Variants in CDH9 observed in about 807,000 individuals in gnomAD.
CDH9 encodes cadherin 9, also known as cadherin-9.
A neutral mutation model predicts 70.9 loss-of-function variants in CDH9; 28 were observed. The observed-to-expected ratio is 0.40, with a 90% confidence interval of 0.29 to 0.54. The LOEUF (loss-of-function observed/expected upper bound fraction) is 0.54. Among genes scored for constraint, CDH9 ranks in the 20% least tolerant of loss-of-function variants. The pLI, the probability that CDH9 is intolerant of heterozygous loss-of-function variation, is 0.59. For missense variants in CDH9, 874 were observed against 984.4 expected (o/e 0.89, Z 1.50); for synonymous variants, 409 against 343.1 (o/e 1.19, Z -2.12).
At chr5:26,919,404 C>A (rs970498562) in intron 2 of CDH9, among the ~76,000 whole-genome samples, 1 of 152,124 alleles carries the variant, frequency 6.6e-6, no homozygotes, top group African/African-American at 2.4e-5. Flanking sequence ...ATTGCCCATC[C>A]CAGTGGTCAG....
intron 2 of CDH9, among the ~76,000 whole-genome samples, chr5:26,924,248 A>G (rs2112015762): frequency 6.6e-6 from 1 of 152,144 alleles, no homozygotes; most frequent in Non-Finnish European, 1.5e-5. Flanking sequence ...TCAAAGGATC[A>G]TTACAGGTTC....
chr5:27,013,295 G>A (rs1260301690), intron 1 of CDH9, among the ~76,000 whole-genome samples: 1 of 151,866 alleles, frequency 6.6e-6, no homozygotes, highest in Non-Finnish European at 1.5e-5. Flanking sequence ...ATTTGTAAAA[G>A]TTTTCTCCTT....
At chr5:26,911,878 A>G (rs957564750) in intron 3 of CDH9, among the ~76,000 whole-genome samples, 7 of 152,138 alleles carry the variant, frequency 4.6e-5, no homozygotes, top group South Asian at 4.1e-4. Context: ...TAAAAATCCA[A>G]TGTGAAATAT....
chr5:26,962,538 T>C (rs1742055149), intron 2 of CDH9, among the ~76,000 whole-genome samples: 2 of 152,168 alleles, frequency 1.3e-5, no homozygotes, highest in Non-Finnish European at 1.5e-5. Flanking sequence ...TGGTATCTCA[T>C]TGTGGTTTTG....
Position 26,988,399 on chromosome 5 carries a change from A to C in CDH9, c.-49-17T>G, listed in dbSNP as rs1046286170. The stretch of plus-strand genomic sequence containing the variant: ...TTGTTTTTCCTAAAGAGTAAGGAGA[A>C]AAAAAATGGCTGTATTAGCTTGAGT... On this transcript the variant is annotated splice_polypyrimidine_tract_variant and intron_variant, in intron 1 of 11. Transcript: ENST00000231021. The C allele has an allele frequency of 7.7e-6, 12 of 1,563,706 alleles. No homozygotes were observed. In the African/African-American group the frequency reaches 1.2e-4, roughly 16 times the overall value.
intron 2 of CDH9, among the ~76,000 whole-genome samples, chr5:26,969,887 C>T (rs548528496): frequency 1.0e-4 from 15 of 149,830 alleles, no homozygotes; most frequent in African/African-American, 3.2e-4. Context: ...ATGTGTGTAA[C>T]GTGTGTGTAT....
rs536070766 is a variant in CDH9, at chr5:26,953,965, G to A, written c.228+34141C>T. On this transcript the variant is annotated intron_variant, in intron 2 of 11. Transcript: ENST00000231021. ...AACATAAAACACACACACACACATAGATCAAAAAAATAAATAAGTGAATAA... is the reference window on the plus strand; with the variant it reads ...AACATAAAACACACACACACACATAAATCAAAAAAATAAATAAGTGAATAA... 3.3e-4 allele frequency among the ~76,000 whole-genome samples: 50 copies of A among 150,688 alleles called. No individual in the cohort carries two copies. In the South Asian group the frequency reaches 6.5e-3, roughly 20 times the overall value.
intron 1 of CDH9, among the ~76,000 whole-genome samples, chr5:26,999,323 G>A (rs1178965512): frequency 6.6e-6 from 1 of 152,078 alleles, no homozygotes; most frequent in Non-Finnish European, 1.5e-5. Context: ...TACAAATCAT[G>A]CCATATGCAA....
chr5:26,906,758 A>G lies in CDH9; in HGVS notation c.604T>C (p.Leu202=), dbSNP rs768862742. 1.8e-5 allele frequency: 29 copies of G among 1,613,168 alleles called. No individual in the cohort carries two copies. The highest frequency in any genetic ancestry group is 1.7e-5 in the Admixed American group (1 of 59,968). ...GNSAKVVYSI[L]QGQPYFSVDP... Reference sequence around the variant, plus strand: ...ACTGAAAAATATGGCTGTCCTTGCAATATGCTATAGACCACTTTGGCACTA... The same window carrying G: ...ACTGAAAAATATGGCTGTCCTTGCAGTATGCTATAGACCACTTTGGCACTA... Residue 202 remains leucine, a synonymous_variant, in exon 4 of 12, where the codon TTG becomes CTG. Coordinates refer to ENST00000231021, the MANE Select transcript of CDH9 (RefSeq NM_016279.4).
chr5:27,008,593 A>G (rs1742907019), intron 1 of CDH9, among the ~76,000 whole-genome samples: 2 of 152,330 alleles, frequency 1.3e-5, no homozygotes, highest in South Asian at 4.1e-4. Flanking sequence ...ATTAGGTCAC[A>G]ATATAATCAT....
chr5:26,915,590 A>C, intron 3 of CDH9, 40 bp downstream of exon 3: 1 of 1,185,388 alleles, frequency 8.4e-7, no homozygotes, highest in South Asian at 1.3e-5. Context: ...GAGCAAACAA[A>C]CAAATAAAAA....
chr5:26,907,552 C>T (rs1302096523), intron 3 of CDH9, among the ~76,000 whole-genome samples: 2 of 151,966 alleles, frequency 1.3e-5, no homozygotes, highest in Non-Finnish European at 2.9e-5. Flanking sequence ...TGCAATTTAA[C>T]CTTACTATCT....
rs750844913 is a variant in CDH9, at chr5:26,903,654, T to C, written c.982A>G (p.Ile328Val). ...VITDKDTQEG[I>V]ITVKQNLDFE... is the part of the protein sequence containing the mutation. ...AAAGAAACCTGTTTGACAGTTATAA[T>C]CCCTTCCTGTGTATCCTTGTCAGTG... The change falls in exon 6 of 12, where the codon ATT becomes GTT. Residue 328 changes from isoleucine (I) to valine (V), a missense_variant. Transcript: ENST00000231021. The C allele has an allele frequency of 5.6e-6, 9 of 1,605,068 alleles. No individual in the cohort carries two copies. Among genetic ancestry groups the C allele is most frequent in the Non-Finnish European group, 6.8e-6 (8 of 1,171,906 alleles).
chr5:26,943,091 T>C (rs1741690174), intron 2 of CDH9, among the ~76,000 whole-genome samples: 1 of 152,120 alleles, frequency 6.6e-6, no homozygotes. Flanking sequence ...TAGCATAAAA[T>C]TTTGCCCAGA....
intron 2 of CDH9, among the ~76,000 whole-genome samples, chr5:26,968,660 A>G (rs1035081040): frequency 6.6e-6 from 1 of 152,204 alleles, no homozygotes; most frequent in Non-Finnish European, 1.5e-5. Context: ...GAAAATCCCC[A>G]GAAGTATGAG....
At chr5:26,989,258 A>G (rs3811920) in intron 1 of CDH9, among the ~76,000 whole-genome samples, 75,327 of 151,764 alleles carry the variant, frequency 0.5, 19,747 homozygotes, top group African/African-American at 0.6. Context: ...TTCAGAATTG[A>G]TTTTATTTGT....
intron 1 of CDH9, among the ~76,000 whole-genome samples, chr5:27,002,950 A>C (rs559221805): frequency 6.6e-6 from 1 of 152,184 alleles, no homozygotes; most frequent in East Asian, 1.9e-4. Flanking sequence ...ATAAATAAGT[A>C]AAATAAAAAG....
chr5:27,002,033 G>T (rs532258813), intron 1 of CDH9, among the ~76,000 whole-genome samples: 1 of 152,086 alleles, frequency 6.6e-6, no homozygotes, highest in African/African-American at 2.4e-5. Flanking sequence ...CTGACAAAGG[G>T]CTAATATTCA....
chr5:26,906,008 C>T lies in CDH9; in HGVS notation c.762G>A (p.Val254=). 1 of 1,613,802 alleles carries T rather than the reference C, an allele frequency of 6.2e-7. No individual in the cohort carries two copies. The highest frequency in any genetic ancestry group is 8.5e-7 in the Non-Finnish European group (1 of 1,179,704). ...TGTTGACATCTGTCAGCGTGATGTT[C>T]ACTGTGGTGGTTCCAGAAAGGCCTC... ...QMGGLSGTTT[V]NITLTDVNNN... is the part of the protein sequence containing the mutation. Residue 254 remains valine, a synonymous_variant, in exon 5 of 12, where the codon GTG becomes GTA. Coordinates refer to ENST00000231021, the MANE Select transcript of CDH9 (RefSeq NM_016279.4).
Sources: gnomAD v4.1 joint callset for allele counts (sites outside exome capture counted in the v4.1 genomes callset) on GRCh38, gnomAD v4.1.1 for gene constraint, MANE v1.5 for transcripts, NCBI Gene and HGNC (gene_info 2026-07-23, HGNC 2026-07-21) for gene names.